The following PAK5 variants were observed in gnomAD, a reference collection of about 807,000 sequenced individuals.
The protein encoded by PAK5 is serine/threonine-protein kinase PAK 5.
In PAK5, 16 loss-of-function variants were observed where a neutral mutation model predicts 65.9. The observed-to-expected ratio is 0.24, with a 90% CI of 0.16 to 0.37. The LOEUF (loss-of-function observed/expected upper bound fraction) is 0.37. Ranked by LOEUF, PAK5 falls within the 10% of genes least tolerant of loss-of-function variation. The probability of loss-of-function intolerance (pLI) is 1.00; values close to 1 mark genes in which losing one functional copy is unlikely to be tolerated. For synonymous variants in PAK5, 371 were observed against 354.9 expected, an observed-to-expected ratio of 1.05 and a Z score of -0.51; for missense variants, 785 against 903.9, an observed-to-expected ratio of 0.87 and a Z score of 1.69.
chr20:9,616,399 T>C (rs570447406), intron 3 of PAK5, among the ~76,000 whole-genome samples: 1 of 152,306 alleles, frequency 6.6e-6, no homozygotes, highest in South Asian at 2.1e-4. Context: ...TGTTCATCCT[T>C]CCAGACTATT....
chr20:9,705,143 C>G (rs2047989994), intron 2 of PAK5, among the ~76,000 whole-genome samples: 2 of 152,104 alleles, frequency 1.3e-5, no homozygotes, highest in African/African-American at 4.8e-5. Context: ...GGGAATTATG[C>G]AGTCCAAAAT....
chr20:9,586,047 C>T (rs1410982625), intron 3 of PAK5, among the ~76,000 whole-genome samples: 2 of 152,082 alleles, frequency 1.3e-5, no homozygotes, highest in Non-Finnish European at 2.9e-5. Flanking sequence ...ATCTGTATGC[C>T]TTCAGATGCT....
At chr20:9,772,813 T>G (rs1467969102) in intron 1 of PAK5, among the ~76,000 whole-genome samples, 1 of 152,156 alleles carries the variant, frequency 6.6e-6, no homozygotes, top group African/African-American at 2.4e-5. Context: ...CTTGGCCCAA[T>G]AGTCAGGCAG....
intron 2 of PAK5, among the ~76,000 whole-genome samples, chr20:9,654,798 A>G (rs552476764): frequency 2.6e-5 from 4 of 151,762 alleles, no homozygotes; most frequent in South Asian, 2.1e-4. Flanking sequence ...AAAGCCCCTC[A>G]TCCCCTCTAA....
intron 1 of PAK5, among the ~76,000 whole-genome samples, chr20:9,718,073 G>T (rs2048171173): frequency 6.6e-6 from 1 of 151,898 alleles, no homozygotes; most frequent in African/African-American, 2.4e-5. Flanking sequence ...TATACTATTA[G>T]GCACATTGGT....
In PAK5 at chr20:9,802,974, GA is replaced by G. The variant is rs549931019; in HGVS notation, c.-162+35787del. Among the ~76,000 whole-genome samples, 174 of 108,604 alleles carry G rather than the reference GA, an allele frequency of 1.6e-3. No homozygotes were observed. The Middle Eastern group carries it at 0.027, about 17-fold the overall frequency. The allele number at this position is 108,604 out of a possible 152,430, so 71.2% of individuals were successfully genotyped here. ...AAAACACTATTTAGTACAAATTAAAGAAAAAAAAAGCTCCAAACCATGCTTC... is the reference window on the plus strand; with the variant it reads ...AAAACACTATTTAGTACAAATTAAAGAAAAAAAAGCTCCAAACCATGCTTC... On this transcript the variant is annotated intron_variant, in intron 1 of 9. Transcript: ENST00000353224.
chr20:9,678,595 C>T (rs1157712736), intron 2 of PAK5, among the ~76,000 whole-genome samples: 1 of 151,856 alleles, frequency 6.6e-6, no homozygotes, highest in Non-Finnish European at 1.5e-5. Context: ...AAAGACATAC[C>T]GAGACTGGGT....
At chr20:9,616,176 G>C (rs1167443562) in intron 3 of PAK5, among the ~76,000 whole-genome samples, 2 of 152,196 alleles carry the variant, frequency 1.3e-5, no homozygotes, top group Non-Finnish European at 2.9e-5. Flanking sequence ...CCTGGAAGCA[G>C]GGGATGGGTA....
At chr20:9,683,328 A>T (rs1403487808) in intron 2 of PAK5, among the ~76,000 whole-genome samples, 1 of 152,240 alleles carries the variant, frequency 6.6e-6, no homozygotes, top group Non-Finnish European at 1.5e-5. Context: ...GTTTCTACAC[A>T]CTAGCTCATT....
chr20:9,666,439 A>G (rs1321386785), intron 2 of PAK5, among the ~76,000 whole-genome samples: 1 of 36,826 alleles, frequency 2.7e-5, no homozygotes. Context: ...AGGCGGAATG[A>G]AAAAAAAAAA....
chr20:9,754,971 A>G (rs951619244), intron 1 of PAK5, among the ~76,000 whole-genome samples: 11 of 152,228 alleles, frequency 7.2e-5, no homozygotes, highest in African/African-American at 2.7e-4. Flanking sequence ...TCAGGAAATT[A>G]AATCTGTGAA....
chr20:9,812,799 A>G (rs2049313090), intron 1 of PAK5, among the ~76,000 whole-genome samples: 1 of 152,156 alleles, frequency 6.6e-6, no homozygotes, highest in African/African-American at 2.4e-5. Flanking sequence ...ATTTCAAATT[A>G]CTAGAAGAGT....
At chr20:9,789,935 T>C (rs1292776985) in intron 1 of PAK5, among the ~76,000 whole-genome samples, 2 of 152,154 alleles carry the variant, frequency 1.3e-5, no homozygotes, top group South Asian at 2.1e-4. Context: ...AAGATGCTGA[T>C]GCAGGTCAGG....
At chr20:9,801,184 G>A (rs2049164521) in intron 1 of PAK5, among the ~76,000 whole-genome samples, 1 of 152,032 alleles carries the variant, frequency 6.6e-6, no homozygotes, top group South Asian at 2.1e-4. Context: ...TCAGGTCATG[G>A]CTGGGGTAAT....
At chr20:9,548,320 C>T (rs2045375122) in intron 7 of PAK5, among the ~76,000 whole-genome samples, 1 of 151,922 alleles carries the variant, frequency 6.6e-6, no homozygotes, top group Admixed American at 6.6e-5. Context: ...AGGGCTTTAT[C>T]AAATCTAACA....
In PAK5 at chr20:9,741,133, C is replaced by G. The variant is rs575894974; in HGVS notation, c.-161-29698G>C. On this transcript the variant is annotated intron_variant, in intron 1 of 9. Coordinates refer to ENST00000353224, the MANE Select transcript of PAK5 (RefSeq NM_177990.4). ...AATTATAATTTACAAGATTTGTGCA[C>G]TTTACTTTTTAAATTGTCTGCAAAG... 3.3e-5 allele frequency among the ~76,000 whole-genome samples: 5 copies of G among 152,256 alleles called. No individual in the cohort carries two copies. The East Asian group carries it at 7.7e-4, about 24-fold the overall frequency.
chr20:9,678,600 C>A (rs1055172875), intron 2 of PAK5, among the ~76,000 whole-genome samples: 1 of 151,974 alleles, frequency 6.6e-6, no homozygotes, highest in African/African-American at 2.4e-5. Flanking sequence ...CATACCGAGA[C>A]TGGGTAGTTT....
At chr20:9,694,486 G>A (rs1187379951) in intron 2 of PAK5, among the ~76,000 whole-genome samples, 1 of 151,862 alleles carries the variant, frequency 6.6e-6, no homozygotes, top group African/African-American at 2.4e-5. Flanking sequence ...TTTCACAAAG[G>A]GAACACATTC....
chr20:9,738,839 TG>T, intron 1 of PAK5, among the ~76,000 whole-genome samples: 1 of 152,210 alleles, frequency 6.6e-6, no homozygotes, highest in Non-Finnish European at 1.5e-5. Context: ...TGTGTGTGTG[TG>T]TGTCAGTTAC....
Sources: allele counts gnomAD v4.1 joint callset (sites outside exome capture counted in the v4.1 genomes callset), GRCh38; gene constraint gnomAD v4.1.1; transcripts MANE v1.5; gene names NCBI Gene and HGNC (gene_info 2026-07-23, HGNC 2026-07-21).